The following CACNA2D1 variants were observed in gnomAD, a reference collection of about 807,000 sequenced individuals.
CACNA2D1 encodes voltage-dependent calcium channel subunit alpha-2/delta-1.
A neutral mutation model predicts 171.5 loss-of-function variants in CACNA2D1; 53 were observed. The observed-to-expected ratio is 0.31, with a 90% confidence interval of 0.25 to 0.39. The LOEUF (loss-of-function observed/expected upper bound fraction) is 0.39, where lower values mean the gene tolerates loss of function less well. CACNA2D1 is among the 10% of genes least tolerant of loss of function. The pLI is 1.00. For synonymous variants in CACNA2D1, 442 were observed against 443.1 expected (o/e 1.00, Z 0.03); for missense variants, 903 against 1,299.8 (o/e 0.69, Z 4.69).
rs550578854 is a variant in CACNA2D1 at position 82,303,057 on chromosome 7, G to A, written c.294+32078C>T. Among the ~76,000 whole-genome samples, 14 of 152,032 alleles carry A rather than the reference G, an allele frequency of 9.2e-5. No individual in the cohort carries two copies. In the East Asian group the frequency reaches 2.7e-3, roughly 30 times the overall value. On this transcript the variant is annotated intron_variant, in intron 3 of 38. Coordinates refer to ENST00000356860, the MANE Select transcript of CACNA2D1 (RefSeq NM_000722.4). ...CGCCCAGGCTGGAGTGCAGTGGTGC[G>A]ATCTCGGCTCACTGCAAGCTCCGCC...
chr7:82,388,795 G>A (rs1434289154), intron 1 of CACNA2D1, among the ~76,000 whole-genome samples: 1 of 152,074 alleles, frequency 6.6e-6, no homozygotes, highest in Admixed American at 6.6e-5. Flanking sequence ...AGAACAAAAT[G>A]AAAAGAAACC....
At chr7:82,145,373 T>C (rs914895561) in intron 4 of CACNA2D1, among the ~76,000 whole-genome samples, 1 of 144,778 alleles carries the variant, frequency 6.9e-6, no homozygotes, top group Non-Finnish European at 1.5e-5. Context: ...ACACATTATA[T>C]ATTATATATT....
At chr7:82,395,470 C>A (rs138945537) in intron 1 of CACNA2D1, among the ~76,000 whole-genome samples, 1 of 152,092 alleles carries the variant, frequency 6.6e-6, no homozygotes, top group Admixed American at 6.6e-5. Flanking sequence ...AGTAATTCAA[C>A]GTAATGTAGT....
At chr7:82,178,591 C>G (rs897974799) in intron 3 of CACNA2D1, among the ~76,000 whole-genome samples, 3 of 152,026 alleles carry the variant, frequency 2.0e-5, no homozygotes, top group Non-Finnish European at 4.4e-5. Context: ...TGAAAATCTA[C>G]GTTTAATATA....
At chr7:82,338,522 A>C (rs944664816) in intron 2 of CACNA2D1, among the ~76,000 whole-genome samples, 3 of 152,238 alleles carry the variant, frequency 2.0e-5, no homozygotes, top group African/African-American at 7.2e-5. Context: ...CAATGTAGGC[A>C]GCTACTCTAT....
intron 16 of CACNA2D1, 39 bp downstream of exon 16, chr7:82,007,640 G>T: frequency 1.9e-6 from 2 of 1,036,520 alleles, no homozygotes; most frequent in Non-Finnish European, 3.0e-6. Context: ...GTCACAGTTT[G>T]TCATTTATTA....
intron 12 of CACNA2D1, among the ~76,000 whole-genome samples, chr7:82,017,429 A>G (rs1429413561): frequency 6.6e-6 from 1 of 152,168 alleles, no homozygotes; most frequent in Non-Finnish European, 1.5e-5. Flanking sequence ...TATAGTGCAT[A>G]TAAATAATGT....
intron 3 of CACNA2D1, among the ~76,000 whole-genome samples, chr7:82,248,811 C>CAA (rs11352717): frequency 5.7e-5 from 8 of 141,470 alleles, no homozygotes; most frequent in Non-Finnish European, 7.8e-5. Context: ...AGAGAAAGGC[C>CAA]AAAAAAAAAA....
chr7:82,217,531 G>A (rs908523096), intron 3 of CACNA2D1, among the ~76,000 whole-genome samples: 2 of 147,920 alleles, frequency 1.4e-5, no homozygotes, highest in African/African-American at 2.5e-5. Flanking sequence ...TTTAATGAAA[G>A]AGAAATAGAA....
At chr7:82,101,445 A>G (rs928900073) in intron 6 of CACNA2D1, among the ~76,000 whole-genome samples, 31 of 152,330 alleles carry the variant, frequency 2.0e-4, no homozygotes, top group African/African-American at 7.0e-4. Context: ...TACATGACAG[A>G]TGGAAGTAAT....
At chr7:82,120,616 C>T (rs1354170373) in intron 5 of CACNA2D1, among the ~76,000 whole-genome samples, 1 of 152,122 alleles carries the variant, frequency 6.6e-6, no homozygotes, top group East Asian at 1.9e-4. Flanking sequence ...GTGGCTCACA[C>T]TTGTAATTCT....
At position 82,287,306 on chromosome 7, in the gene CACNA2D1, A is replaced by C. The variant is rs563059217; in HGVS notation, c.294+47829T>G. On this transcript the variant is annotated intron_variant, in intron 3 of 38. Transcript: ENST00000356860. ...TAGAGTCCCTTGTTTATTTCCAAAA[A>C]CAAATTTCTTAGTAACTTAAATTAT... Among the ~76,000 whole-genome samples, 16 of 151,920 alleles carry C rather than the reference A, an allele frequency of 1.1e-4. No homozygotes were observed. The South Asian group carries it at 2.1e-3, about 20-fold the overall frequency.
In CACNA2D1 at chr7:81,948,498, CTAAGGTATATTGGTGGTGGGAGGGAA is replaced by C. The variant is rs1792223343; in HGVS notation, c.*1868_*1893del. ...ATCTTGAAATGTACACAAATGGTAC[CTAAGGTATATTGGTGGTGGGAGGGAA>C]TTACAAATGTATGCAAAGCTAAAAA... On this transcript the variant is annotated 3_prime_UTR_variant, in exon 39 of 39. Coordinates refer to ENST00000356860, the MANE Select transcript of CACNA2D1 (RefSeq NM_000722.4). 6.6e-6 allele frequency: 1 copy of C among 151,260 alleles called. No individual in the cohort carries two copies. The highest frequency in any genetic ancestry group is 6.6e-5 in the Admixed American group (1 of 15,162). 9.4% of individuals were successfully genotyped at this position (151,260 alleles called of 1,614,324 possible).
intron 12 of CACNA2D1, chr7:82,020,899 A>T (rs1801112903): frequency 6.6e-6 from 1 of 152,132 alleles, no homozygotes. Flanking sequence ...AAACAGAAAA[A>T]CTGTTTTATA....
At chr7:82,277,772 G>C (rs1809551422) in intron 3 of CACNA2D1, among the ~76,000 whole-genome samples, 1 of 135,914 alleles carries the variant, frequency 7.4e-6, no homozygotes, top group Non-Finnish European at 1.6e-5. Flanking sequence ...TTGAGATGGA[G>C]TCTCGCCCTG....
At chr7:82,434,025 C>T (rs117399746) in intron 1 of CACNA2D1, among the ~76,000 whole-genome samples, 116 of 152,318 alleles carry the variant, frequency 7.6e-4, no homozygotes, top group Non-Finnish European at 1.4e-3. Context: ...TGGTTCAAGG[C>T]TTCAAAGGAG....
intron 3 of CACNA2D1, among the ~76,000 whole-genome samples, chr7:82,313,121 A>G (rs1447025008): frequency 2.0e-5 from 3 of 152,194 alleles, no homozygotes; most frequent in Non-Finnish European, 4.4e-5. Flanking sequence ...TCAAGAGGAT[A>G]TGAGCTAGGT....
intron 1 of CACNA2D1, among the ~76,000 whole-genome samples, chr7:82,370,500 A>G (rs1822265327): frequency 7.1e-6 from 1 of 140,848 alleles, no homozygotes; most frequent in Admixed American, 7.1e-5. Context: ...AATCAGATAA[A>G]CAAAATTTTT....
intron 24 of CACNA2D1, among the ~76,000 whole-genome samples, chr7:81,979,779 CTAA>C (rs374603484): frequency 1.7e-4 from 26 of 152,132 alleles, no homozygotes; most frequent in African/African-American, 5.5e-4. Context: ...CCAAAAACTA[CTAA>C]TAAGATTGCA....
Sources: gnomAD v4.1 joint callset for allele counts (sites outside exome capture counted in the v4.1 genomes callset) on GRCh38, gnomAD v4.1.1 for gene constraint, MANE v1.5 for transcripts, NCBI Gene and HGNC (gene_info 2026-07-23, HGNC 2026-07-21) for gene names.